The following ZNF124 variants were observed in gnomAD, a reference collection of about 807,000 sequenced individuals.
ZNF124 encodes the protein zinc finger protein 124.
ZNF124 carries 25 observed loss-of-function variants against 26.6 expected under a neutral mutation model. The observed-to-expected ratio is 0.94, with a 90% CI of 0.68 to 1.31. The LOEUF (loss-of-function observed/expected upper bound fraction) is 1.31. Ranked by LOEUF, ZNF124 falls within the 40% of genes most tolerant of loss-of-function variation. The probability of loss-of-function intolerance (pLI) is 0.00; values close to 1 mark genes in which losing one functional copy is unlikely to be tolerated. For synonymous variants in ZNF124, 129 were observed against 133.3 expected (o/e 0.97, Z 0.22); for missense variants, 444 against 422.2 (o/e 1.05, Z -0.45).
At chr1:247,131,385 C>T (rs1672363497) in intron 3 of ZNF124, among the ~76,000 whole-genome samples, 1 of 152,200 alleles carries the variant, frequency 6.6e-6, no homozygotes, top group African/African-American at 2.4e-5. Context: ...CAGATTCTTA[C>T]AGCCTTTCAG....
chr1:247,124,746 T>C (rs4925711), intron 3 of ZNF124, among the ~76,000 whole-genome samples: 55,865 of 152,126 alleles, frequency 0.37, 11,766 homozygotes, highest in African/African-American at 0.58. Flanking sequence ...TGGCTTCTTT[T>C]ACTTAGCCAA....
intron 3 of ZNF124, among the ~76,000 whole-genome samples, chr1:247,137,861 T>G (rs1379621176): frequency 6.6e-6 from 1 of 152,082 alleles, no homozygotes; most frequent in East Asian, 1.9e-4. Flanking sequence ...GAACAAAAGC[T>G]CAACATCACT....
chr1:247,158,509 C>T (rs138835202), intron 3 of ZNF124, among the ~76,000 whole-genome samples: 4 of 152,272 alleles, frequency 2.6e-5, no homozygotes, highest in African/African-American at 9.6e-5. Context: ...CAGACTAAAA[C>T]AATACTGTTT....
At chr1:247,143,900 A>G (rs1455221302) in intron 3 of ZNF124, among the ~76,000 whole-genome samples, 1 of 152,048 alleles carries the variant, frequency 6.6e-6, no homozygotes, top group Non-Finnish European at 1.5e-5. Context: ...TCCATCATCT[A>G]CCCCCGTAGC....
intron 3 of ZNF124, among the ~76,000 whole-genome samples, chr1:247,124,611 TC>T (rs1261120680): frequency 6.6e-6 from 1 of 152,036 alleles, no homozygotes; most frequent in Non-Finnish European, 1.5e-5. Context: ...CCAACTCCTT[TC>T]CCCCCAGCCT....
downstream of ZNF124, among the ~76,000 whole-genome samples, chr1:247,151,661 C>T (rs1672948694): frequency 6.6e-6 from 1 of 152,116 alleles, no homozygotes; most frequent in South Asian, 2.1e-4. Context: ...TACACATGTT[C>T]CCAACAGAAA....
exon 4 of ZNF124, chr1:247,122,283 G>A (rs993723858): frequency 2.6e-5 from 4 of 152,236 alleles, no homozygotes; most frequent in Admixed American, 1.3e-4. Flanking sequence ...ATACCTAATC[G>A]TTTAACATGT....
chr1:247,164,131 G>A (rs571935716), intron 1 of ZNF124, among the ~76,000 whole-genome samples: 64 of 152,152 alleles, frequency 4.2e-4, no homozygotes, highest in South Asian at 3.9e-3. Context: ...ACTAGGCATC[G>A]GAGAAACATA....
intron 2 of ZNF124, among the ~76,000 whole-genome samples, chr1:247,159,392 G>A (rs1344880896): frequency 1.3e-5 from 2 of 152,174 alleles, no homozygotes; most frequent in Non-Finnish European, 2.9e-5. Context: ...ACTTGCTTCT[G>A]CTTCATGCCC....
intron 3 of ZNF124, among the ~76,000 whole-genome samples, chr1:247,128,766 A>G: frequency 6.7e-6 from 1 of 148,696 alleles, no homozygotes; most frequent in African/African-American, 2.5e-5. Flanking sequence ...TCCAAAGTAC[A>G]AGGAAACCCC....
chr1:247,144,208 A>T (rs1672703650), intron 3 of ZNF124, among the ~76,000 whole-genome samples: 1 of 152,214 alleles, frequency 6.6e-6, no homozygotes, highest in South Asian at 2.1e-4. Context: ...GGTTTCGGGT[A>T]GCTATCCCTC....
chr1:247,157,093 G>C lies in ZNF124; in HGVS notation c.529C>G (p.Arg177Gly). 6.2e-7 allele frequency: 1 copy of C among 1,614,142 alleles called. No homozygotes were observed. Among genetic ancestry groups the C allele is most frequent in the Non-Finnish European group, 8.5e-7 (1 of 1,180,028 alleles). The change falls in exon 4 of 4, where the codon CGC (arginine) becomes GGC (glycine). Residue 177 changes from arginine (R) to glycine (G), a missense_variant. By Grantham distance (125) the Arg-to-Gly change is moderately radical. Coordinates refer to ENST00000543802, the MANE Select transcript of ZNF124 (RefSeq NM_001297568.2). ...TTCCCACATTGCTTACATTCATAGC[G>C]TTTTTCTCCAGTGTGAATCCTTTTA... is the stretch of plus-strand genomic sequence containing the variant. ...RHKRIHTGEK[R>G]YECKQCGKAF...
At chr1:247,153,571 T>C (rs560936522), downstream of ZNF124, among the ~76,000 whole-genome samples, 9 of 152,326 alleles carry the variant, frequency 5.9e-5, no homozygotes, top group East Asian at 1.4e-3. Context: ...AATTGCCTTA[T>C]AACATTTCGG....
chr1:247,167,572 G>A (rs1572102441), intron 1 of ZNF124, among the ~76,000 whole-genome samples: 1 of 152,198 alleles, frequency 6.6e-6, no homozygotes, highest in Middle Eastern at 3.4e-3. Flanking sequence ...CCCAAAAGAA[G>A]AGACGAGACC....
chr1:247,148,923 T>C (rs1014740901), intron 3 of ZNF124, among the ~76,000 whole-genome samples: 4 of 151,696 alleles, frequency 2.6e-5, no homozygotes, highest in African/African-American at 9.7e-5. Context: ...TGAGCCGAAA[T>C]TGTGCCACTG....
chr1:247,125,718 A>G (rs1399049629), intron 3 of ZNF124, among the ~76,000 whole-genome samples: 2 of 151,980 alleles, frequency 1.3e-5, no homozygotes, highest in South Asian at 2.1e-4. Context: ...CCATCTGTTT[A>G]TTTATTTCAT....
At chr1:247,147,567 A>G (rs1020699423) in intron 3 of ZNF124, among the ~76,000 whole-genome samples, 7 of 152,180 alleles carry the variant, frequency 4.6e-5, no homozygotes, top group African/African-American at 1.4e-4. Context: ...TATCAGCTAC[A>G]TCTACTAGCA....
intron 3 of ZNF124, among the ~76,000 whole-genome samples, chr1:247,158,630 G>GT (rs1183663761): frequency 1.3e-5 from 2 of 151,484 alleles, no homozygotes; most frequent in South Asian, 2.1e-4. Context: ...TTGTTTGCTT[G>GT]GTTTTTTTTT....
At chr1:247,132,447 A>G (rs1159862540) in intron 3 of ZNF124, among the ~76,000 whole-genome samples, 1 of 152,228 alleles carries the variant, frequency 6.6e-6, no homozygotes, top group African/African-American at 2.4e-5. Flanking sequence ...CAGTTGGACA[A>G]ACTGACAGAA....
Sources: allele counts gnomAD v4.1 joint callset (sites outside exome capture counted in the v4.1 genomes callset), GRCh38; gene constraint gnomAD v4.1.1; transcripts MANE v1.5; gene names NCBI Gene and HGNC (gene_info 2026-07-23, HGNC 2026-07-21).